USH1C: variants seen among roughly 807,000 people sequenced by gnomAD.
The protein encoded by USH1C is USH1 protein network component harmonin, also known as harmonin.
USH1C carries 90 observed loss-of-function variants against 119.3 expected under a neutral mutation model. The ratio of observed to expected loss-of-function variants is 0.75; its 90% CI spans 0.64 to 0.90. The LOEUF is 0.90. USH1C is among the 40% of genes least tolerant of loss of function. USH1C has a pLI of 0.00. For missense variants in USH1C, 1,165 were observed against 1,167.7 expected, an observed-to-expected ratio of 1.00 and a Z score of 0.03; for synonymous variants, 465 against 443.3, an observed-to-expected ratio of 1.05 and a Z score of -0.62.
intron 12 of USH1C, among the ~76,000 whole-genome samples, chr11:17,521,836 A>G (rs1850426657): frequency 6.6e-6 from 1 of 152,120 alleles, no homozygotes. Flanking sequence ...AAAATACATT[A>G]ATTGATTGAT....
chr11:17,499,042 G>T (rs1473790504), intron 23 of USH1C, among the ~76,000 whole-genome samples: 1 of 152,242 alleles, frequency 6.6e-6, no homozygotes, highest in Non-Finnish European at 1.5e-5. Flanking sequence ...GGAAAGCTGA[G>T]TTATAAGCTG....
chr11:17,523,585 G>C, intron 9 of USH1C, 107 bp from the exon 10 acceptor site: 1 of 1,064,412 alleles, frequency 9.4e-7, no homozygotes, highest in Non-Finnish European at 1.4e-6. Context: ...GGATCTTCAA[G>C]TGGCAGTACC....
At chr11:17,526,879 C>G (rs1284871317) in intron 6 of USH1C, 69 bp from the exon 7 acceptor site, 3 of 1,593,842 alleles carry the variant, frequency 1.9e-6, no homozygotes, top group Middle Eastern at 1.7e-4. Flanking sequence ...GCCCCACATC[C>G]AGATCCACCA....
chr11:17,501,478 G>T lies in USH1C; in HGVS notation c.2280+4C>A. On this transcript the variant is annotated splice_donor_region_variant and intron_variant, in intron 22 of 26. Coordinates refer to ENST00000005226, the MANE Select transcript of USH1C (RefSeq NM_153676.4). Reference sequence around the variant, plus strand: ...GGCCCACCGGCCTCCACATGCCCAGGTACCTTCTTGATGCGTAGGAGCCGG... The same window carrying T: ...GGCCCACCGGCCTCCACATGCCCAGTTACCTTCTTGATGCGTAGGAGCCGG... 1.9e-6 allele frequency: 3 copies of T among 1,612,842 alleles called. No homozygotes were observed. The highest frequency in any genetic ancestry group is 2.5e-6 in the Non-Finnish European group (3 of 1,179,478).
rs1424423099 is a variant in USH1C at position 17,531,596 on chromosome 11, A to G, written c.105-54T>C. ...CTCACCCCTGGCCATGACCTCAGGC[A>G]CCCAGGGATTCCAAGAGGAAGCCAT... On this transcript the variant is annotated intron_variant, in intron 2 of 26. Transcript: ENST00000005226. The surrounding 1 kb of genome is among the most constrained non-coding windows in gnomAD (Gnocchi z 4.2). The G allele has an allele frequency of 6.2e-7, 1 of 1,603,528 alleles. No individual in the cohort carries two copies. Among genetic ancestry groups the G allele is most frequent in the East Asian group, 2.2e-5 (1 of 44,776 alleles).
Position 17,509,462 on chromosome 11 carries a change from C to A in USH1C, c.1907G>T (p.Arg636Leu), listed in dbSNP as rs138017852. 1.6e-5 allele frequency: 24 copies of A among 1,485,690 alleles called. No homozygotes were observed. The highest frequency in any genetic ancestry group is 2.0e-5 in the Non-Finnish European group (22 of 1,102,124). 92.0% of individuals were successfully genotyped at this position (1,485,690 alleles called of 1,614,324 possible). ...LEEALSNHPF[R>L]TGDTGNPVED... is the part of the protein sequence containing the mutation. The stretch of plus-strand genomic sequence containing the variant: ...CACTGGATTGCCTGTGTCCCCAGTG[C>A]GGAAGGGATGGTTGCTCAGTGCTTC... Residue 636 changes from arginine (R) to leucine (L), a missense_variant, in exon 18 of 27, where the codon CGC becomes CTC. By Grantham distance (102) the Arg-to-Leu change is moderately radical. Transcript: ENST00000005226.
intron 16 of USH1C, 50 bp from the exon 17 acceptor site, chr11:17,510,571 A>G: frequency 7.5e-7 from 1 of 1,335,700 alleles, no homozygotes; most frequent in Non-Finnish European, 1.1e-6. Flanking sequence ...GCACATTTGA[A>G]TAACATGTGG....
intron 16 of USH1C, 60 bp from the exon 17 acceptor site, chr11:17,510,581 G>T: frequency 8.0e-7 from 1 of 1,251,948 alleles, no homozygotes; most frequent in Non-Finnish European, 1.2e-6. Flanking sequence ...ATAACATGTG[G>T]ATAGAAATAG....
chr11:17,506,082 G>C, intron 18 of USH1C, 133 bp from the exon 19 acceptor site: 1 of 1,323,208 alleles, frequency 7.6e-7, no homozygotes, highest in South Asian at 1.2e-5. Context: ...AACTGCTCGA[G>C]GTCCTGGGGT....
chr11:17,504,433 C>T (rs943179768), intron 20 of USH1C, among the ~76,000 whole-genome samples: 2 of 152,196 alleles, frequency 1.3e-5, no homozygotes, highest in Non-Finnish European at 2.9e-5. Flanking sequence ...TCAGCTCATG[C>T]ATGGGGTCTA....
intron 5 of USH1C, 33 bp from the exon 6 acceptor site, chr11:17,527,073 TC>T: frequency 2.7e-6 from 4 of 1,505,066 alleles, no homozygotes; most frequent in Admixed American, 4.2e-5. Flanking sequence ...TTAGGACAGC[TC>T]CCCCGCCCTC....
At chr11:17,505,752 CA>C (rs1849623693) in intron 19 of USH1C, 77 bp downstream of exon 19, 4 of 1,603,250 alleles carry the variant, frequency 2.5e-6, no homozygotes, top group African/African-American at 1.3e-5. Flanking sequence ...ACTTGCCCTC[CA>C]GAGACAGCAG....
At position 17,510,522 on chromosome 11, in the gene USH1C, C is replaced by CCAG. The variant is rs769675063; in HGVS notation, c.1414-2_1414-1insCTG. 6.7e-5 allele frequency: 108 copies of CCAG among 1,612,780 alleles called. No homozygotes were observed. Among genetic ancestry groups the CCAG allele is most frequent in the Non-Finnish European group, 8.7e-5 (103 of 1,178,920 alleles). On this transcript the variant is annotated splice_acceptor_variant, in intron 16 of 26. Transcript: ENST00000005226. LOFTEE classifies it high-confidence loss of function. ...GGTCTTCCCGCTCTGTCTCAGACACCTGGGACCCAGGATCGGCGCAGAAAG... is the reference window on the plus strand; with the variant it reads ...GGTCTTCCCGCTCTGTCTCAGACACCCAGTGGGACCCAGGATCGGCGCAGAAAG...
In USH1C at chr11:17,531,087, G is replaced by C; in HGVS notation, c.387+67C>G. On this transcript the variant is annotated intron_variant, in intron 4 of 26. Coordinates refer to ENST00000005226, the MANE Select transcript of USH1C (RefSeq NM_153676.4). This position sits in a 1 kb window ranked among gnomAD's most constrained non-coding sequence, Gnocchi z 4.2. The stretch of plus-strand genomic sequence containing the variant: ...CCATGTTGTGCCACACAGCCTAGTG[G>C]ATGAATGAGGGGGAGGCAGGAGGTC... 2.5e-6 allele frequency: 4 copies of C among 1,610,272 alleles called. No individual in the cohort carries two copies. The highest frequency in any genetic ancestry group is 3.4e-6 in the Non-Finnish European group (4 of 1,178,738).
intron 8 of USH1C, among the ~76,000 whole-genome samples, chr11:17,525,360 G>A (rs111330235): frequency 0.025 from 3,843 of 152,320 alleles, 169 homozygotes; most frequent in African/African-American, 0.087. Context: ...TTTATCACTT[G>A]TGCTTGGCAC....
Position 17,498,233 on chromosome 11 carries a change from C to G in USH1C, c.2419G>C (p.Gly807Arg). Residue 807 changes from glycine to arginine, a missense_variant, in exon 24 of 27, where the codon GGC (glycine) becomes CGC (arginine). Gly to Arg is a moderately radical substitution (Grantham distance 125). Transcript: ENST00000005226. ...AGGGTGTAGTCTGTCACAATCTTGC[C>G]GTTGATTGCCATGATCTCGTCCCCT... The part of the protein sequence containing the change: ...VKGDEIMAIN[G>R]KIVTDYTLAE... 1 of 1,614,152 alleles carries G rather than the reference C, an allele frequency of 6.2e-7. No individual in the cohort carries two copies. Among genetic ancestry groups the G allele is most frequent in the Non-Finnish European group, 8.5e-7 (1 of 1,180,020 alleles).
intron 13 of USH1C, 132 bp from the exon 14 acceptor site, chr11:17,521,126 C>T (rs908947979): frequency 1.9e-5 from 25 of 1,308,568 alleles, no homozygotes; most frequent in African/African-American, 8.7e-5. Flanking sequence ...GCAAAGTCCC[C>T]GAGCTTGTAT....
chr11:17,498,455 A>G lies in USH1C; in HGVS notation c.2381-184T>C, dbSNP rs556433837. Among the ~76,000 whole-genome samples the G allele has an allele frequency of 3.3e-5, 5 of 152,320 alleles. No homozygotes were observed. The East Asian group carries it at 7.7e-4, about 23-fold the overall frequency. ...CCTGGTTAGTGGCTAGTCAAAGGGC[A>G]TTTAGTCCCTGTCCCTTCCACACCC... On this transcript the variant is annotated intron_variant, in intron 23 of 26. Transcript: ENST00000005226.
At chr11:17,501,233 G>A (rs1849431335) in intron 22 of USH1C, 83 bp from the exon 23 acceptor site, 2 of 1,221,112 alleles carry the variant, frequency 1.6e-6, no homozygotes, top group African/African-American at 3.0e-5. Context: ...TCTTGACAGA[G>A]CCACAGTAAG....
Sources: gnomAD v4.1 joint callset for allele counts (sites outside exome capture counted in the v4.1 genomes callset) on GRCh38, gnomAD v4.1.1 for gene constraint, Gnocchi (gnomAD v3.1) non-coding constraint, MANE v1.5 for transcripts, NCBI Gene and HGNC (gene_info 2026-07-23, HGNC 2026-07-21) for gene names.